ERI1: variants seen among roughly 807,000 people sequenced by gnomAD.
ERI1 encodes the protein exoribonuclease 1, also known as 3'-5' exoribonuclease 1.
ERI1 carries 39 observed loss-of-function variants against 39.7 expected under a neutral mutation model. The observed-to-expected ratio is 0.98, with a 90% confidence interval of 0.76 to 1.28. The LOEUF (loss-of-function observed/expected upper bound fraction) is 1.28, where lower values mean the gene tolerates loss of function less well. Among genes scored for constraint, ERI1 ranks in the 50% most tolerant of loss-of-function variants. The probability of loss-of-function intolerance (pLI) is 0.00; values close to 1 mark genes in which losing one functional copy is unlikely to be tolerated. For synonymous variants in ERI1, 204 were observed against 149.6 expected, an observed-to-expected ratio of 1.36 and a Z score of -2.65; for missense variants, 581 against 416.9, an observed-to-expected ratio of 1.39 and a Z score of -3.43.
At chr8:9,093,053 T>C (rs1232139341) in intron 3 of ERI1, among the ~76,000 whole-genome samples, 1 of 152,200 alleles carries the variant, frequency 6.6e-6, no homozygotes, top group Non-Finnish European at 1.5e-5. Context: ...AAATTTCCGC[T>C]TTTTATAAGG....
intron 2 of ERI1, 54 bp from the exon 3 acceptor site, chr8:9,011,488 G>C: frequency 7.8e-7 from 1 of 1,277,238 alleles, no homozygotes; most frequent in Non-Finnish European, 1.1e-6. Flanking sequence ...TGAGAGTTTT[G>C]ATTCTTGACT....
intron 3 of ERI1, among the ~76,000 whole-genome samples, chr8:9,043,747 C>G (rs555636124): frequency 1.3e-5 from 2 of 152,298 alleles, no homozygotes; most frequent in South Asian, 4.1e-4. Flanking sequence ...GAGACAGGGT[C>G]TCACTATCTT....
At chr8:9,070,241 A>G (rs1447075816) in intron 3 of ERI1, among the ~76,000 whole-genome samples, 2 of 152,070 alleles carry the variant, frequency 1.3e-5, no homozygotes, top group Non-Finnish European at 2.9e-5. Context: ...TGTCTCAAAA[A>G]AAAAAACAAA....
chr8:9,062,124 G>A (rs1299265588), intron 3 of ERI1, among the ~76,000 whole-genome samples: 1 of 152,202 alleles, frequency 6.6e-6, no homozygotes, highest in Non-Finnish European at 1.5e-5. Context: ...AAAAGGCCAT[G>A]TTGTAGCAGG....
chr8:9,055,318 G>T (rs991758518), intron 3 of ERI1, among the ~76,000 whole-genome samples: 2 of 152,234 alleles, frequency 1.3e-5, no homozygotes, highest in African/African-American at 2.4e-5. Flanking sequence ...TGAGGTTATA[G>T]TTCATGATGT....
chr8:9,078,773 A>T (rs1486778151), intron 3 of ERI1, among the ~76,000 whole-genome samples: 1 of 152,178 alleles, frequency 6.6e-6, no homozygotes, highest in Non-Finnish European at 1.5e-5. Context: ...TATCTGCTGC[A>T]TGCTCAAAGT....
At chr8:9,080,343 T>C (rs1054559121) in intron 3 of ERI1, among the ~76,000 whole-genome samples, 3 of 152,226 alleles carry the variant, frequency 2.0e-5, no homozygotes, top group Non-Finnish European at 2.9e-5. Context: ...TAGGAGCCTC[T>C]GTTGTCCATG....
intron 3 of ERI1, among the ~76,000 whole-genome samples, chr8:9,048,894 C>G (rs1245605511): frequency 3.9e-5 from 6 of 152,142 alleles, no homozygotes; most frequent in Non-Finnish European, 7.4e-5. Context: ...AATCCTCTCC[C>G]CTCAGCCTCC....
chr8:9,043,786 C>T (rs1041817790), intron 3 of ERI1, among the ~76,000 whole-genome samples: 1 of 152,176 alleles, frequency 6.6e-6, no homozygotes, highest in Non-Finnish European at 1.5e-5. Flanking sequence ...CTCCTGTGCT[C>T]AAGCCATCCT....
At chr8:9,075,275 C>T (rs1388942682) in intron 3 of ERI1, among the ~76,000 whole-genome samples, 3 of 152,118 alleles carry the variant, frequency 2.0e-5, no homozygotes, top group East Asian at 1.9e-4. Flanking sequence ...CCACACAAAG[C>T]GAAAACCCAG....
chr8:9,010,750 A>C (rs936863480), intron 2 of ERI1, among the ~76,000 whole-genome samples: 1 of 152,326 alleles, frequency 6.6e-6, no homozygotes, highest in South Asian at 2.1e-4. Flanking sequence ...TTGGAAAAAT[A>C]CATATTGTTT....
intron 3 of ERI1, among the ~76,000 whole-genome samples, chr8:9,015,739 A>AAAAAAAG (rs10704637): frequency 3.0e-4 from 45 of 150,360 alleles, no homozygotes; most frequent in African/African-American, 1.1e-3. Flanking sequence ...AAAAAAAAAA[A>AAAAAAAG]AAGAGACCAT....
chr8:9,088,581 T>G (rs1483325578), intron 3 of ERI1: 1 of 152,210 alleles, frequency 6.6e-6, no homozygotes, highest in Non-Finnish European at 1.5e-5. Context: ...TGAGTATCTC[T>G]CTGTGTGTTG....
At chr8:9,007,278 G>C (rs952316494) in intron 1 of ERI1, among the ~76,000 whole-genome samples, 2 of 152,080 alleles carry the variant, frequency 1.3e-5, no homozygotes, top group African/African-American at 2.4e-5. Flanking sequence ...TTCCTTCTTT[G>C]AGTACTAGGA....
At chr8:9,022,864 C>G (rs1818064076) in intron 6 of ERI1, among the ~76,000 whole-genome samples, 1 of 152,202 alleles carries the variant, frequency 6.6e-6, no homozygotes, top group South Asian at 2.1e-4. Flanking sequence ...TCCCCACCCA[C>G]TTTCCTCTTC....
intron 4 of ERI1, 25 bp from the exon 5 acceptor site, chr8:9,018,272 G>C (rs745855584): frequency 2.1e-6 from 3 of 1,438,926 alleles, no homozygotes; most frequent in Non-Finnish European, 2.9e-6. Context: ...CCTGATTTTT[G>C]TATATTTTAC....
Position 9,031,764 on chromosome 8 carries a change from T to C in ERI1, c.*1730T>C, listed in dbSNP as rs1797606272. On this transcript the variant is annotated 3_prime_UTR_variant, in exon 7 of 7. Transcript: ENST00000250263. ...AAGCTCTCAGTACCCTATTTTGTTG[T>C]TGTTGTTGTTTGAGACAGAGTTTTT... 2 of 152,180 alleles carry C rather than the reference T, an allele frequency of 1.3e-5. No homozygotes were observed. Among genetic ancestry groups the C allele is most frequent in the East Asian group, 3.8e-4 (2 of 5,200 alleles). The allele number at this position is 152,180 out of a possible 1,614,324, so 9.4% of individuals were successfully genotyped here.
intron 1 of ERI1, among the ~76,000 whole-genome samples, chr8:9,003,917 ACAGT>A (rs1203307891): frequency 6.6e-6 from 1 of 152,238 alleles, no homozygotes; most frequent in Non-Finnish European, 1.5e-5. Flanking sequence ...CCTTCCGTCC[ACAGT>A]CAGTTTCCAT....
chr8:9,072,466 A>G (rs1387102535), intron 3 of ERI1: 2 of 152,124 alleles, frequency 1.3e-5, no homozygotes, highest in Non-Finnish European at 2.9e-5. Flanking sequence ...GGGGTTTTGC[A>G]GTGAAAACCA....
Sources: allele counts gnomAD v4.1 joint callset (sites outside exome capture counted in the v4.1 genomes callset), GRCh38; gene constraint gnomAD v4.1.1; transcripts MANE v1.5; gene names NCBI Gene and HGNC (gene_info 2026-07-23, HGNC 2026-07-21).